Variants in ATRNL1 observed in about 807,000 individuals in gnomAD.
ATRNL1 encodes attractin-like protein 1.
ATRNL1 carries 95 observed loss-of-function variants against 182.7 expected under a neutral mutation model. The ratio of observed to expected loss-of-function variants is 0.52; its 90% CI spans 0.44 to 0.62. The LOEUF is 0.62. Ranked by LOEUF, ATRNL1 falls within the 20% of genes least tolerant of loss-of-function variation. The probability of loss-of-function intolerance (pLI) is 0.00; values close to 1 mark genes in which losing one functional copy is unlikely to be tolerated. For synonymous variants in ATRNL1, 576 were observed against 568.3 expected, an observed-to-expected ratio of 1.01 and a Z score of -0.19; for missense variants, 1,471 against 1,679.5, an observed-to-expected ratio of 0.88 and a Z score of 2.17.
intron 27 of ATRNL1, among the ~76,000 whole-genome samples, chr10:115,745,021 T>C (rs1410720129): frequency 6.6e-6 from 1 of 152,126 alleles, no homozygotes; most frequent in Non-Finnish European, 1.5e-5. Flanking sequence ...AGATATACAA[T>C]GTGCTCATCA....
At position 115,280,192 on chromosome 10, in the gene ATRNL1, C is replaced by G. The variant is rs979225928; in HGVS notation, c.2101-1163C>G. 2.6e-5 allele frequency among the ~76,000 whole-genome samples: 4 copies of G among 152,270 alleles called. No individual in the cohort carries two copies. The East Asian group carries it at 7.7e-4, about 29-fold the overall frequency. On this transcript the variant is annotated intron_variant, in intron 13 of 28. Coordinates refer to ENST00000355044, the MANE Select transcript of ATRNL1 (RefSeq NM_207303.4). ...GAACCTGATGTGTGAAGCTAAAAGCCTAACCCTGTACAAAGGACCAGATAT... is the reference window on the plus strand; with the variant it reads ...GAACCTGATGTGTGAAGCTAAAAGCGTAACCCTGTACAAAGGACCAGATAT...
intron 1 of ATRNL1, among the ~76,000 whole-genome samples, chr10:115,111,274 G>C (rs1190951645): frequency 6.6e-6 from 1 of 152,174 alleles, no homozygotes; most frequent in African/African-American, 2.4e-5. Context: ...ATGTATTAAT[G>C]AGCTAAAATC....
intron 27 of ATRNL1, among the ~76,000 whole-genome samples, chr10:115,789,255 G>C (rs868918993): frequency 2.3e-4 from 35 of 152,056 alleles, no homozygotes; most frequent in African/African-American, 8.5e-4. Flanking sequence ...AATGAGAAAG[G>C]GTAGAAATAG....
intron 10 of ATRNL1, among the ~76,000 whole-genome samples, chr10:115,255,640 G>T (rs1851091532): frequency 6.6e-6 from 1 of 152,082 alleles, no homozygotes; most frequent in African/African-American, 2.4e-5. Flanking sequence ...TCTTTCTCTT[G>T]CTTGATTGCC....
chr10:115,369,171 A>G (rs1244139402), intron 19 of ATRNL1, among the ~76,000 whole-genome samples: 1 of 151,174 alleles, frequency 6.6e-6, no homozygotes, highest in Non-Finnish European at 1.5e-5. Flanking sequence ...ATAATATTTC[A>G]TTTTTAAATA....
intron 21 of ATRNL1, among the ~76,000 whole-genome samples, chr10:115,444,152 A>G (rs1186941886): frequency 6.6e-6 from 1 of 152,090 alleles, no homozygotes; most frequent in Non-Finnish European, 1.5e-5. Flanking sequence ...TTTCCATAAG[A>G]AATCGAAGTG....
intron 27 of ATRNL1, among the ~76,000 whole-genome samples, chr10:115,783,739 G>T (rs1555079806): frequency 6.6e-6 from 1 of 152,170 alleles, no homozygotes; most frequent in African/African-American, 2.4e-5. Context: ...TCGGGGCCGG[G>T]CGCGGTGGCT....
intron 24 of ATRNL1, among the ~76,000 whole-genome samples, chr10:115,482,163 G>A (rs137920607): frequency 1.3e-3 from 196 of 151,030 alleles, no homozygotes; most frequent in African/African-American, 4.4e-3. Context: ...ACTTGGACTC[G>A]TGTTTCATAT....
At chr10:115,249,232 G>T (rs1241180094) in intron 10 of ATRNL1, among the ~76,000 whole-genome samples, 18 of 152,174 alleles carry the variant, frequency 1.2e-4, no homozygotes, top group African/African-American at 3.6e-4. Flanking sequence ...GACCTCAGGT[G>T]ATCTGCCTGC....
intron 1 of ATRNL1, among the ~76,000 whole-genome samples, chr10:115,097,309 C>G: frequency 6.6e-6 from 1 of 151,988 alleles, no homozygotes; most frequent in East Asian, 1.9e-4. Flanking sequence ...GATAGTGAGA[C>G]CTCATCTCTA....
intron 8 of ATRNL1, among the ~76,000 whole-genome samples, chr10:115,185,394 A>G (rs574339575): frequency 6.6e-6 from 1 of 152,194 alleles, no homozygotes; most frequent in East Asian, 1.9e-4. Flanking sequence ...ACTCAAGAAA[A>G]CGATGGGTCA....
intron 17 of ATRNL1, among the ~76,000 whole-genome samples, chr10:115,310,900 A>ACATT (rs1380135115): frequency 1.6e-4 from 24 of 152,056 alleles, no homozygotes; most frequent in African/African-American, 5.1e-4. Context: ...TTGAGATGTG[A>ACATT]CATTAGGTTG....
At chr10:115,641,467 T>C (rs1555030406) in intron 26 of ATRNL1, among the ~76,000 whole-genome samples, 1 of 152,180 alleles carries the variant, frequency 6.6e-6, no homozygotes, top group Non-Finnish European at 1.5e-5. Flanking sequence ...TGAAATATTG[T>C]TACAGTGCCA....
In ATRNL1 at chr10:115,152,345, G is replaced by A. The variant is rs1171811852; in HGVS notation, c.830-7695G>A. On this transcript the variant is annotated intron_variant, in intron 5 of 28. Transcript: ENST00000355044. ...CACGATGTTGATTCTCCCTGTCCAC[G>A]AGCATGGAATGTTCTTCCATTTGTT... 3.3e-5 allele frequency among the ~76,000 whole-genome samples: 5 copies of A among 152,144 alleles called. No individual in the cohort carries two copies. In the South Asian group the frequency reaches 6.2e-4, roughly 19 times the overall value.
chr10:115,166,264 C>A (rs1312304082), intron 7 of ATRNL1, among the ~76,000 whole-genome samples: 1 of 151,998 alleles, frequency 6.6e-6, no homozygotes, highest in African/African-American at 2.4e-5. Context: ...AGTAAATATT[C>A]CATTATATGT....
intron 1 of ATRNL1, among the ~76,000 whole-genome samples, chr10:115,112,314 A>G (rs1378409084): frequency 2.0e-5 from 3 of 152,228 alleles, no homozygotes; most frequent in African/African-American, 7.2e-5. Flanking sequence ...AAAAGACCAC[A>G]AATAGCTAAA....
chr10:115,856,544 G>A (rs1357753528), intron 28 of ATRNL1, among the ~76,000 whole-genome samples: 1 of 151,148 alleles, frequency 6.6e-6, no homozygotes, highest in Non-Finnish European at 1.5e-5. Flanking sequence ...CAACCTTTTG[G>A]CACCAGGGAC....
At chr10:115,835,879 A>G (rs1950658382) in intron 27 of ATRNL1, among the ~76,000 whole-genome samples, 1 of 152,072 alleles carries the variant, frequency 6.6e-6, no homozygotes, top group African/African-American at 2.4e-5. Context: ...AATGTGATAC[A>G]ACTCTAAAGA....
intron 1 of ATRNL1, among the ~76,000 whole-genome samples, chr10:115,098,146 A>G (rs1208251376): frequency 6.6e-6 from 1 of 152,172 alleles, no homozygotes; most frequent in Non-Finnish European, 1.5e-5. Context: ...GTGTATAATC[A>G]CACAGTAGGA....
Sources: allele counts gnomAD v4.1 joint callset (sites outside exome capture counted in the v4.1 genomes callset), GRCh38; gene constraint gnomAD v4.1.1; transcripts MANE v1.5; gene names NCBI Gene and HGNC (gene_info 2026-07-23, HGNC 2026-07-21).